Variants in RUNX1T1 observed in about 807,000 individuals in gnomAD.
RUNX1T1 encodes the protein RUNX1 partner transcriptional co-repressor 1, also known as protein CBFA2T1.
A neutral mutation model predicts 62.8 loss-of-function variants in RUNX1T1; 4 were observed. That is an observed-to-expected ratio of 0.06 (90% CI 0.03 to 0.15). RUNX1T1 has a LOEUF of 0.15. RUNX1T1 is among the 10% of genes least tolerant of loss of function. The probability of loss-of-function intolerance (pLI) is 1.00; values close to 1 mark genes in which losing one functional copy is unlikely to be tolerated. For synonymous variants in RUNX1T1, 291 were observed against 286.0 expected (o/e 1.02, Z -0.18); for missense variants, 508 against 754.3 (o/e 0.67, Z 3.82).
intron 8 of RUNX1T1, chr8:91,979,704 G>A (rs1814776931): frequency 5.3e-6 from 2 of 376,164 alleles, no homozygotes; most frequent in East Asian, 9.7e-5. Flanking sequence ...ACAGAAAATG[G>A]TGTAAGAAAT....
chr8:92,088,445 G>A (rs766854692), intron 1 of RUNX1T1, among the ~76,000 whole-genome samples: 1 of 152,204 alleles, frequency 6.6e-6, no homozygotes, highest in Non-Finnish European at 1.5e-5. Flanking sequence ...CATTTAAAGC[G>A]CAGCTTGTAC....
intron 1 of RUNX1T1, among the ~76,000 whole-genome samples, chr8:92,057,651 T>C (rs1831254116): frequency 6.6e-6 from 1 of 152,208 alleles, no homozygotes; most frequent in East Asian, 1.9e-4. Flanking sequence ...TTGAAAAATA[T>C]AATTAAGCTA....
intron 1 of RUNX1T1, among the ~76,000 whole-genome samples, chr8:92,042,538 T>A (rs910237611): frequency 3.3e-5 from 5 of 152,098 alleles, no homozygotes; most frequent in African/African-American, 1.2e-4. Flanking sequence ...GCCAGGCTGG[T>A]TTCGAAGGGC....
At chr8:92,004,579 T>G (rs1349879121) in intron 5 of RUNX1T1, 2 of 152,168 alleles carry the variant, frequency 1.3e-5, no homozygotes. Flanking sequence ...ATACCATCTA[T>G]TGTCTCTACT....
intron 1 of RUNX1T1, chr8:92,095,484 T>C: frequency 6.5e-7 from 1 of 1,529,720 alleles, no homozygotes; most frequent in South Asian, 1.2e-5. Flanking sequence ...TGAGTGAGTG[T>C]GTGAGCGCAG....
chr8:92,078,944 C>A (rs960209636), intron 1 of RUNX1T1, among the ~76,000 whole-genome samples: 5 of 152,300 alleles, frequency 3.3e-5, no homozygotes, highest in African/African-American at 1.2e-4. Flanking sequence ...GCAAATCATT[C>A]TTGTATCAGT....
At chr8:92,001,972 TA>T (rs1447634002) in intron 5 of RUNX1T1, among the ~76,000 whole-genome samples, 1 of 152,200 alleles carries the variant, frequency 6.6e-6, no homozygotes, top group Non-Finnish European at 1.5e-5. Context: ...TGAGCAGTTT[TA>T]AAGAGGGCTC....
chr8:92,068,672 C>T (rs1258025667), intron 2 of RUNX1T1, among the ~76,000 whole-genome samples: 1 of 152,116 alleles, frequency 6.6e-6, no homozygotes, highest in Non-Finnish European at 1.5e-5. Context: ...CAAAACTTCA[C>T]CTTCTGTTAC....
At chr8:92,031,216 A>G (rs1473624078) in intron 1 of RUNX1T1, among the ~76,000 whole-genome samples, 2 of 152,190 alleles carry the variant, frequency 1.3e-5, no homozygotes, top group Non-Finnish European at 2.9e-5. Context: ...TCCGGTGTCT[A>G]AACATAAGCA....
chr8:92,045,250 T>C (rs4735044), intron 1 of RUNX1T1, among the ~76,000 whole-genome samples: 33,837 of 151,998 alleles, frequency 0.22, 3,912 homozygotes, highest in Middle Eastern at 0.27. Flanking sequence ...GATAATGAGA[T>C]TAAGGATAAC....
chr8:92,060,549 ATATATGTGTGTGTG>A (rs1439573555), intron 1 of RUNX1T1, among the ~76,000 whole-genome samples: 6 of 107,048 alleles, frequency 5.6e-5, no homozygotes, highest in Admixed American at 1.8e-4. Context: ...ATATATATAT[ATATATGTGTGTGTG>A]TGTGTGTGTG....
At chr8:91,990,170 G>A (rs912429270) in intron 6 of RUNX1T1, among the ~76,000 whole-genome samples, 3 of 151,970 alleles carry the variant, frequency 2.0e-5, no homozygotes, top group Non-Finnish European at 4.4e-5. Context: ...TCTGCCTGTG[G>A]CAAAAAAACA....
chr8:92,007,359 T>C (rs1181305893), intron 4 of RUNX1T1, among the ~76,000 whole-genome samples: 2 of 151,448 alleles, frequency 1.3e-5, no homozygotes, highest in Non-Finnish European at 2.9e-5. Flanking sequence ...CCCAGCTACG[T>C]GGGAGTCTGA....
chr8:92,082,402 T>C (rs1215736998), intron 1 of RUNX1T1, among the ~76,000 whole-genome samples: 1 of 152,152 alleles, frequency 6.6e-6, no homozygotes, highest in African/African-American at 2.4e-5. Context: ...GGTTCAGACC[T>C]TGCCCCGTCA....
chr8:91,960,424 C>T, exon 11 of RUNX1T1: 1 of 1,614,180 alleles, frequency 6.2e-7, no homozygotes, highest in Non-Finnish European at 8.5e-7. Context: ...TGGTGCTTCT[C>T]CCAGTCTTTG....
intron 8 of RUNX1T1, among the ~76,000 whole-genome samples, chr8:91,983,886 C>A (rs75046354): frequency 5.5e-4 from 84 of 152,172 alleles, no homozygotes; most frequent in African/African-American, 1.9e-3. Context: ...AGTAAGGATG[C>A]ACAGTGAAAA....
chr8:91,982,918 CTTTTTTTTTTTTT>C (rs56135737), intron 8 of RUNX1T1, among the ~76,000 whole-genome samples: 1 of 59,634 alleles, frequency 1.7e-5, no homozygotes, highest in African/African-American at 6.7e-5. Flanking sequence ...TAGGAAAATA[CTTTTTTTTTTTTT>C]TTTTTTTTTT....
At chr8:92,005,017 T>G in intron 5 of RUNX1T1, 99 bp downstream of exon 6, 34 of 1,035,718 alleles carry the variant, frequency 3.3e-5, no homozygotes, top group Non-Finnish European at 4.3e-5. Flanking sequence ...TGTGCAAGAA[T>G]GACATAGGCC....
chr8:92,073,268 G>A (rs774424897), intron 2 of RUNX1T1, among the ~76,000 whole-genome samples: 2 of 152,102 alleles, frequency 1.3e-5, no homozygotes, highest in Non-Finnish European at 2.9e-5. Context: ...TGTGTACCTT[G>A]GGTATGCTTT....
Sources: allele counts gnomAD v4.1 joint callset (sites outside exome capture counted in the v4.1 genomes callset), GRCh38; gene constraint gnomAD v4.1.1; transcripts MANE v1.5; gene names NCBI Gene and HGNC (gene_info 2026-07-23, HGNC 2026-07-21).